Variants in PITPNC1 observed in about 807,000 individuals in gnomAD.
The protein encoded by PITPNC1 is cytoplasmic phosphatidylinositol transfer protein 1.
A neutral mutation model predicts 44.7 loss-of-function variants in PITPNC1; 18 were observed. The ratio of observed to expected loss-of-function variants is 0.40; its 90% CI spans 0.28 to 0.60. PITPNC1 has a LOEUF of 0.60. Among genes scored for constraint, PITPNC1 ranks in the 20% least tolerant of loss-of-function variants. The pLI is 0.39. For synonymous variants in PITPNC1, 141 were observed against 149.6 expected, an observed-to-expected ratio of 0.94 and a Z score of 0.42; for missense variants, 290 against 418.4, an observed-to-expected ratio of 0.69 and a Z score of 2.68.
At chr17:67,615,681 A>G (rs1413169000) in intron 5 of PITPNC1, among the ~76,000 whole-genome samples, 1 of 152,130 alleles carries the variant, frequency 6.6e-6, no homozygotes, top group African/African-American at 2.4e-5. Context: ...CAGGTTCAAT[A>G]TCGATTTGTC....
chr17:67,586,336 A>ACT (rs1358334648), intron 5 of PITPNC1, among the ~76,000 whole-genome samples: 1 of 151,418 alleles, frequency 6.6e-6, no homozygotes, highest in Non-Finnish European at 1.5e-5. Flanking sequence ...ATTTTCCAGC[A>ACT]CTTTGGGAGG....
At chr17:67,479,642 CCAAAT>C (rs1022318022) in intron 1 of PITPNC1, among the ~76,000 whole-genome samples, 1 of 151,530 alleles carries the variant, frequency 6.6e-6, no homozygotes, top group African/African-American at 2.4e-5. Context: ...TTGAAACAGA[CCAAAT>C]CAAAGATTAT....
intron 6 of PITPNC1, among the ~76,000 whole-genome samples, chr17:67,657,656 A>T (rs540272189): frequency 1.2e-4 from 18 of 150,776 alleles, no homozygotes; most frequent in African/African-American, 4.2e-4. Context: ...TTATATTCTT[A>T]ATCATGAAAA....
chr17:67,677,941 G>T (rs565820284), intron 8 of PITPNC1, among the ~76,000 whole-genome samples: 1 of 150,430 alleles, frequency 6.6e-6, no homozygotes, highest in Non-Finnish European at 1.5e-5. Context: ...TGCCAGGCAC[G>T]GTAGTTCACA....
intron 1 of PITPNC1, among the ~76,000 whole-genome samples, chr17:67,398,964 G>A (rs945959173): frequency 7.3e-5 from 11 of 150,486 alleles, no homozygotes; most frequent in African/African-American, 2.2e-4. Context: ...AGTGGTTGAC[G>A]CAGAGTTCTT....
At chr17:67,394,466 T>A (rs1386799525) in intron 1 of PITPNC1, among the ~76,000 whole-genome samples, 1 of 152,226 alleles carries the variant, frequency 6.6e-6, no homozygotes, top group East Asian at 1.9e-4. Flanking sequence ...AGATACTTTC[T>A]TGGATAGTGT....
intron 1 of PITPNC1, among the ~76,000 whole-genome samples, chr17:67,492,722 A>G (rs376226575): frequency 5.9e-5 from 9 of 152,274 alleles, no homozygotes; most frequent in East Asian, 5.8e-4. Context: ...CGCCGGGGAT[A>G]GGTTTTATGC....
At chr17:67,483,261 A>C (rs1250744027) in intron 1 of PITPNC1, among the ~76,000 whole-genome samples, 1 of 152,214 alleles carries the variant, frequency 6.6e-6, no homozygotes, top group Admixed American at 6.5e-5. Flanking sequence ...TTTTATAAGG[A>C]AGTTTCACAG....
chr17:67,487,678 C>T (rs1332523496), intron 1 of PITPNC1, among the ~76,000 whole-genome samples: 6 of 152,056 alleles, frequency 3.9e-5, no homozygotes, highest in African/African-American at 7.3e-5. Flanking sequence ...TAAGTTTTTC[C>T]GGCTGCCAAA....
chr17:67,627,853 T>C (rs1368416929), intron 5 of PITPNC1, among the ~76,000 whole-genome samples: 1 of 152,136 alleles, frequency 6.6e-6, no homozygotes, highest in African/African-American at 2.4e-5. Context: ...ATGGGCATAA[T>C]GTTCTTAAAG....
intron 1 of PITPNC1, among the ~76,000 whole-genome samples, chr17:67,431,132 C>T (rs2038850909): frequency 6.9e-6 from 1 of 144,288 alleles, no homozygotes; most frequent in African/African-American, 2.6e-5. Context: ...GATCTTGGCT[C>T]ACTGCAAGCT....
At chr17:67,558,016 G>A (rs1385574491) in intron 4 of PITPNC1, among the ~76,000 whole-genome samples, 1 of 152,126 alleles carries the variant, frequency 6.6e-6, no homozygotes, top group Non-Finnish European at 1.5e-5. Flanking sequence ...TTCTTGGAAA[G>A]CATTAGTCCA....
At position 67,551,505 on chromosome 17, in the gene PITPNC1, T is replaced by C. The variant is rs190444955; in HGVS notation, c.198-752T>C. ...TTGGCTTGCAGCAACATCATTTCCATGTCTGCCTCTGTCCTTGCATGGCTG... is the reference window on the plus strand; with the variant it reads ...TTGGCTTGCAGCAACATCATTTCCACGTCTGCCTCTGTCCTTGCATGGCTG... On this transcript the variant is annotated intron_variant, in intron 2 of 8. Coordinates refer to ENST00000581322, the MANE Select transcript of PITPNC1 (RefSeq NM_012417.4). Among the ~76,000 whole-genome samples the C allele has an allele frequency of 4.5e-3, 681 of 152,298 alleles. 7 individuals are homozygous for C. Among genetic ancestry groups the C allele is most frequent in the African/African-American group, 0.016 (661 of 41,552 alleles).
intron 6 of PITPNC1, among the ~76,000 whole-genome samples, chr17:67,658,612 G>C (rs1301083485): frequency 6.6e-6 from 1 of 152,130 alleles, no homozygotes; most frequent in Non-Finnish European, 1.5e-5. Context: ...CAAGAACTCG[G>C]ACCTAGCTGA....
At chr17:67,491,493 G>A (rs1216833033) in intron 1 of PITPNC1, among the ~76,000 whole-genome samples, 1 of 152,168 alleles carries the variant, frequency 6.6e-6, no homozygotes, top group Non-Finnish European at 1.5e-5. Flanking sequence ...CTGGTTTTCT[G>A]AGCTGATGTG....
intron 2 of PITPNC1, among the ~76,000 whole-genome samples, chr17:67,545,975 C>T (rs977035053): frequency 2.0e-5 from 3 of 151,854 alleles, no homozygotes; most frequent in African/African-American, 4.8e-5. Flanking sequence ...TTTGGGAGCC[C>T]GAGGTGGGTG....
chr17:67,536,238 T>C (rs920904761), intron 2 of PITPNC1, among the ~76,000 whole-genome samples: 2 of 152,176 alleles, frequency 1.3e-5, no homozygotes, highest in Non-Finnish European at 2.9e-5. Context: ...TGTTTAGGAA[T>C]TAGAAAAAAA....
intron 8 of PITPNC1, among the ~76,000 whole-genome samples, chr17:67,678,477 C>T (rs954979175): frequency 6.6e-6 from 1 of 152,172 alleles, no homozygotes; most frequent in Non-Finnish European, 1.5e-5. Flanking sequence ...GAGTGGGTCT[C>T]CCCCTGCATA....
At position 67,675,668 on chromosome 17, in the gene PITPNC1, G is replaced by C. The variant is rs1467804971; in HGVS notation, c.682+126G>C. The C allele has an allele frequency of 4.3e-6, 3 of 699,712 alleles. No individual in the cohort carries two copies. In the Admixed American group the frequency reaches 6.9e-5, roughly 16 times the overall value. The allele number at this position is 699,712 out of a possible 1,614,324, so 43.3% of individuals were successfully genotyped here. The stretch of plus-strand genomic sequence containing the variant: ...GGCAAGGCCGCTGCTTCCTGTGTTG[G>C]AAATAGCACTGTCTGCCAAGCATAA... On this transcript the variant is annotated intron_variant, in intron 8 of 8. Coordinates refer to ENST00000581322, the MANE Select transcript of PITPNC1 (RefSeq NM_012417.4).
Sources: gnomAD v4.1 joint callset for allele counts (sites outside exome capture counted in the v4.1 genomes callset) on GRCh38, gnomAD v4.1.1 for gene constraint, MANE v1.5 for transcripts, NCBI Gene and HGNC (gene_info 2026-07-23, HGNC 2026-07-21) for gene names.